Variants in PLEK observed in about 807,000 individuals in gnomAD.
PLEK encodes platelet 47 kDa protein.
Under a neutral mutation model 43.9 loss-of-function variants are expected in PLEK, and 25 were observed. The observed-to-expected ratio is 0.57, with a 90% CI of 0.41 to 0.79. PLEK has a LOEUF of 0.79. PLEK is among the 30% of genes least tolerant of loss of function. The pLI is 0.00. For synonymous variants in PLEK, 152 were observed against 144.4 expected (o/e 1.05, Z -0.38); for missense variants, 396 against 413.3 (o/e 0.96, Z 0.36).
chr2:68,380,600 A>G, intron 2 of PLEK, 117 bp downstream of exon 2: 4 of 1,388,340 alleles, frequency 2.9e-6, no homozygotes, highest in Non-Finnish European at 4.0e-6. Context: ...CACCACCCAC[A>G]CCCCACCCTG....
chr2:68,380,488 G>A lies in PLEK; in HGVS notation c.198+5G>A, dbSNP rs1673591162. 6.2e-7 allele frequency: 1 copy of A among 1,612,866 alleles called. No individual in the cohort carries two copies. Among genetic ancestry groups the A allele is most frequent in the Admixed American group, 1.7e-5 (1 of 59,818 alleles). Reference sequence around the variant, plus strand: ...CAAGACTTTGGCAAAAGGATGGTAAGTTGACATCATGAGCTGCCGTGAACC... The same window carrying A: ...CAAGACTTTGGCAAAAGGATGGTAAATTGACATCATGAGCTGCCGTGAACC... On this transcript the variant is annotated splice_donor_5th_base_variant and intron_variant, in intron 2 of 8. Coordinates refer to ENST00000234313, the MANE Select transcript of PLEK (RefSeq NM_002664.3).
At chr2:68,390,725 C>T (rs1341027941) in intron 6 of PLEK, among the ~76,000 whole-genome samples, 1 of 152,180 alleles carries the variant, frequency 6.6e-6, no homozygotes, top group Non-Finnish European at 1.5e-5. Context: ...CCAGGATTAA[C>T]TTCATAGAAG....
chr2:68,389,368 TG>T (rs1456495436), intron 6 of PLEK, among the ~76,000 whole-genome samples: 8 of 152,224 alleles, frequency 5.3e-5, no homozygotes. Flanking sequence ...CAGTATATAA[TG>T]GAGAGAATCT....
intron 4 of PLEK, among the ~76,000 whole-genome samples, chr2:68,383,566 G>A (rs549586447): frequency 6.6e-6 from 1 of 152,166 alleles, no homozygotes; most frequent in South Asian, 2.1e-4. Context: ...AGGATGGTGA[G>A]GACAAAGTTA....
chr2:68,391,815 G>A lies in PLEK; in HGVS notation c.763-1347G>A, dbSNP rs79863750. 6.1e-4 allele frequency among the ~76,000 whole-genome samples: 93 copies of A among 152,278 alleles called. 1 individual carries two copies. In the East Asian group the frequency reaches 0.012, roughly 20 times the overall value. On this transcript the variant is annotated intron_variant, in intron 6 of 8. Coordinates refer to ENST00000234313, the MANE Select transcript of PLEK (RefSeq NM_002664.3). ...CTTGTATTGGCAAGATAGAAACTCCGTATCTTTTAATATAATACTATTTTT... is the reference window on the plus strand; with the variant it reads ...CTTGTATTGGCAAGATAGAAACTCCATATCTTTTAATATAATACTATTTTT...
chr2:68,391,572 G>A (rs1292433551), intron 6 of PLEK, among the ~76,000 whole-genome samples: 1 of 152,186 alleles, frequency 6.6e-6, no homozygotes, highest in Non-Finnish European at 1.5e-5. Context: ...GAAGTAGAAA[G>A]TTCTTTGGAA....
chr2:68,395,600 T>A, intron 8 of PLEK, 80 bp from the exon 9 acceptor site: 1 of 1,475,028 alleles, frequency 6.8e-7, no homozygotes, highest in Non-Finnish European at 9.5e-7. Flanking sequence ...AAACAGAGAT[T>A]TCATGGCTTG....
At chr2:68,384,491 G>A (rs1000415580) in intron 4 of PLEK, among the ~76,000 whole-genome samples, 1 of 152,070 alleles carries the variant, frequency 6.6e-6, no homozygotes, top group East Asian at 1.9e-4. Flanking sequence ...TCTCAAAGTG[G>A]CCTGTAATCC....
intron 6 of PLEK, among the ~76,000 whole-genome samples, chr2:68,389,583 T>C (rs912706856): frequency 9.9e-5 from 15 of 152,208 alleles, no homozygotes; most frequent in Admixed American, 6.5e-4. Context: ...GGTATGGATT[T>C]TGAGTTTCAC....
intron 1 of PLEK, among the ~76,000 whole-genome samples, chr2:68,376,339 T>C (rs1673500368): frequency 6.6e-6 from 1 of 152,164 alleles, no homozygotes; most frequent in South Asian, 2.1e-4. Context: ...GGGTTGACTG[T>C]CACTGTATAT....
At chr2:68,368,491 G>T (rs1291608373) in intron 1 of PLEK, among the ~76,000 whole-genome samples, 1 of 152,216 alleles carries the variant, frequency 6.6e-6, no homozygotes, top group Non-Finnish European at 1.5e-5. Context: ...TTGATCCCAG[G>T]CAGCATTCTG....
At chr2:68,365,416 A>G (rs1259922175) in intron 1 of PLEK, 23 bp downstream of exon 1, 9 of 1,600,646 alleles carry the variant, frequency 5.6e-6, no homozygotes, top group East Asian at 4.5e-5. Flanking sequence ...GCCACTTACC[A>G]GGGTGTCAGT....
At chr2:68,373,529 T>C (rs1347893214) in intron 1 of PLEK, among the ~76,000 whole-genome samples, 2 of 151,754 alleles carry the variant, frequency 1.3e-5, no homozygotes, top group Admixed American at 6.6e-5. Flanking sequence ...TATACATAGG[T>C]AACTAACCTT....
chr2:68,393,903 C>T (rs1673908844), intron 7 of PLEK, among the ~76,000 whole-genome samples: 1 of 152,146 alleles, frequency 6.6e-6, no homozygotes, highest in African/African-American at 2.4e-5. Context: ...CTCATTGAGC[C>T]TCCTGGCCCC....
intron 4 of PLEK, among the ~76,000 whole-genome samples, chr2:68,384,408 A>T (rs1376646328): frequency 6.6e-6 from 1 of 152,058 alleles, no homozygotes; most frequent in African/African-American, 2.4e-5. Context: ...TATTTTTAGT[A>T]GATTCGGGGT....
At chr2:68,371,860 A>G (rs1035889318) in intron 1 of PLEK, among the ~76,000 whole-genome samples, 19 of 152,072 alleles carry the variant, frequency 1.2e-4, no homozygotes, top group African/African-American at 4.6e-4. Context: ...CCACATGCTC[A>G]TTTCCCACAC....
At chr2:68,365,562 G>A (rs1031501761) in intron 1 of PLEK, 169 bp downstream of exon 1, 14 of 589,690 alleles carry the variant, frequency 2.4e-5, no homozygotes, top group Admixed American at 1.7e-4. Flanking sequence ...TTAGGGGAGT[G>A]GGGATACTCA....
At chr2:68,376,153 G>T (rs576897237) in intron 1 of PLEK, among the ~76,000 whole-genome samples, 2 of 152,228 alleles carry the variant, frequency 1.3e-5, no homozygotes, top group East Asian at 3.9e-4. Context: ...ACGGCTGTTG[G>T]ATCACAACAC....
At chr2:68,383,776 A>G (rs1182453787) in intron 4 of PLEK, among the ~76,000 whole-genome samples, 2 of 152,218 alleles carry the variant, frequency 1.3e-5, no homozygotes, top group East Asian at 3.8e-4. Flanking sequence ...GGAATCTAAG[A>G]GGATGTGCCA....
Sources: allele counts gnomAD v4.1 joint callset (sites outside exome capture counted in the v4.1 genomes callset), GRCh38; gene constraint gnomAD v4.1.1; transcripts MANE v1.5; gene names NCBI Gene and HGNC (gene_info 2026-07-23, HGNC 2026-07-21).